The following TRMT11 variants were observed in gnomAD, a reference collection of about 807,000 sequenced individuals.
The protein encoded by TRMT11 is tRNA methyltransferase 11.
A neutral mutation model predicts 62.8 loss-of-function variants in TRMT11; 53 were observed. The ratio of observed to expected loss-of-function variants is 0.84; its 90% CI spans 0.68 to 1.06. TRMT11 has a LOEUF of 1.06. TRMT11 is among the 50% of genes least tolerant of loss of function. The pLI, the probability that TRMT11 is intolerant of heterozygous loss-of-function variation, is 0.00. For missense variants in TRMT11, 556 were observed against 553.4 expected (o/e 1.00, Z -0.05); for synonymous variants, 188 against 190.3 (o/e 0.99, Z 0.10).
intron 1 of TRMT11, among the ~76,000 whole-genome samples, chr6:126,181,554 A>T (rs573267651): frequency 1.3e-5 from 2 of 152,262 alleles, no homozygotes; most frequent in African/African-American, 4.8e-5. Flanking sequence ...TGTGGGTTGG[A>T]CCAAGGAGCA....
chr6:126,149,999 C>A (rs1332852308), intron 21 of TRMT11, among the ~76,000 whole-genome samples: 1 of 152,140 alleles, frequency 6.6e-6, no homozygotes, highest in African/African-American at 2.4e-5. Flanking sequence ...AATTCTTTTT[C>A]CCTCTAAAAC....
chr6:126,054,601 G>T (rs1374243819), intron 17 of TRMT11, among the ~76,000 whole-genome samples: 1 of 152,154 alleles, frequency 6.6e-6, no homozygotes, highest in East Asian at 1.9e-4. Context: ...AAAGATTGTG[G>T]GTTGCCAGCT....
intron 1 of TRMT11, among the ~76,000 whole-genome samples, chr6:126,186,177 T>A (rs550226141): frequency 6.6e-6 from 1 of 152,324 alleles, no homozygotes; most frequent in Admixed American, 6.5e-5. Flanking sequence ...GCTTACCAAA[T>A]AACATAATAT....
the TRMT11 span, among the ~76,000 whole-genome samples, chr6:126,253,739 G>A: frequency 1.3e-5 from 2 of 152,156 alleles, no homozygotes; most frequent in Non-Finnish European, 2.9e-5. Context: ...TCACACTGTA[G>A]GATTTTTCTT....
intron 17 of TRMT11, among the ~76,000 whole-genome samples, chr6:126,068,690 T>A (rs75498551): frequency 6.6e-6 from 1 of 152,356 alleles, no homozygotes; most frequent in Non-Finnish European, 1.5e-5. Context: ...CATCCTACCT[T>A]TTCTTATTTT....
chr6:126,046,739 TAGGAA>T (rs1338001045), intron 16 of TRMT11, among the ~76,000 whole-genome samples: 1 of 152,178 alleles, frequency 6.6e-6, no homozygotes, highest in Non-Finnish European at 1.5e-5. Context: ...AGGTTCATAA[TAGGAA>T]AGGAAAGTTA....
At chr6:126,242,821 C>T in the TRMT11 span, among the ~76,000 whole-genome samples, 1 of 152,126 alleles carries the variant, frequency 6.6e-6, no homozygotes, top group Non-Finnish European at 1.5e-5. Flanking sequence ...GACCTAAAAA[C>T]ATAAAAACCC....
chr6:126,000,748 G>A (rs1222141963), intron 7 of TRMT11, among the ~76,000 whole-genome samples: 1 of 152,052 alleles, frequency 6.6e-6, no homozygotes, highest in African/African-American at 2.4e-5. Context: ...AACTTTCTCT[G>A]TTTATTGTTG....
At chr6:126,076,879 G>GA (rs201389939) in intron 17 of TRMT11, among the ~76,000 whole-genome samples, 1 of 152,014 alleles carries the variant, frequency 6.6e-6, no homozygotes, top group African/African-American at 2.4e-5. Context: ...GAATCAAATA[G>GA]AAAAAAAGCT....
chr6:125,989,407 G>A (rs1018706253), intron 1 of TRMT11, among the ~76,000 whole-genome samples: 2 of 152,082 alleles, frequency 1.3e-5, no homozygotes, highest in Non-Finnish European at 2.9e-5. Flanking sequence ...GAGCCACTGC[G>A]CCTGGCCAGG....
chr6:126,107,404 C>G (rs1411895178), intron 17 of TRMT11, among the ~76,000 whole-genome samples: 1 of 152,128 alleles, frequency 6.6e-6, no homozygotes, highest in Admixed American at 6.5e-5. Context: ...GCAGGATACC[C>G]TGACAAGGTA....
intron 21 of TRMT11, among the ~76,000 whole-genome samples, chr6:126,151,927 C>CTTTCTTTCTTTCTTTCTTTT (rs1562334959): frequency 1.4e-4 from 13 of 92,166 alleles, no homozygotes; most frequent in Admixed American, 2.2e-4. Context: ...TTCTTTCTTT[C>CTTTCTTTCTTTCTTTCTTTT]TTTCTTTCTT....
chr6:126,226,442 A>C, the TRMT11 span, among the ~76,000 whole-genome samples: 1 of 152,212 alleles, frequency 6.6e-6, no homozygotes, highest in Non-Finnish European at 1.5e-5. Flanking sequence ...TATTTAACCA[A>C]AATAATCATA....
At position 126,151,860 on chromosome 6, in the gene TRMT11, T is replaced by TG. The variant is rs1562334835; in HGVS notation, c.*1824-22965_*1824-22964insG. On this transcript the variant is annotated intron_variant and NMD_transcript_variant, in intron 21 of 22. Transcript: ENST00000648977. The stretch of plus-strand genomic sequence containing the variant: ...TTTCTTTCTTTCTTTCTTTCTTTCT[T>TG]TCTTTCCTTCTTTCTCCTTCCTTCC... 2.8e-4 allele frequency among the ~76,000 whole-genome samples: 38 copies of TG among 134,996 alleles called. 2 individuals are homozygous for TG. The highest frequency in any genetic ancestry group is 1.4e-3 in the South Asian group (6 of 4,202). The allele number at this position is 134,996 out of a possible 152,430, so 88.6% of individuals were successfully genotyped here. A position where few individuals can be genotyped will look rare whatever the true frequency, so the allele number is the denominator to read the frequency against.
chr6:125,987,988 A>AT (rs1352812019), intron 1 of TRMT11, among the ~76,000 whole-genome samples: 2 of 152,184 alleles, frequency 1.3e-5, no homozygotes, highest in African/African-American at 4.8e-5. Context: ...AATTACTCAA[A>AT]GGATAAGGTC....
intron 21 of TRMT11, among the ~76,000 whole-genome samples, chr6:126,132,510 C>T (rs1777797543): frequency 6.6e-6 from 1 of 151,994 alleles, no homozygotes; most frequent in Non-Finnish European, 1.5e-5. Context: ...CTGGCCTAGT[C>T]CTATATCTAT....
At chr6:126,239,159 C>A in the TRMT11 span, among the ~76,000 whole-genome samples, 2 of 151,786 alleles carry the variant, frequency 1.3e-5, no homozygotes, top group East Asian at 3.9e-4. Flanking sequence ...TCTTGACTAT[C>A]CAATTTGCCA....
chr6:126,084,053 A>G (rs1777188046), intron 17 of TRMT11, among the ~76,000 whole-genome samples: 1 of 152,182 alleles, frequency 6.6e-6, no homozygotes, highest in Admixed American at 6.6e-5. Context: ...CAATGAATAC[A>G]GGAGTGCAGG....
At chr6:126,260,440 T>C in the TRMT11 span, among the ~76,000 whole-genome samples, 45 of 152,316 alleles carry the variant, frequency 3.0e-4, no homozygotes, top group African/African-American at 1.1e-3. Context: ...AACCTTTATA[T>C]CAGAGAATTG....
Sources: allele counts gnomAD v4.1 joint callset (sites outside exome capture counted in the v4.1 genomes callset), GRCh38; gene constraint gnomAD v4.1.1; transcripts MANE v1.5; gene names NCBI Gene and HGNC (gene_info 2026-07-23, HGNC 2026-07-21).